KCNU1: variants seen among roughly 807,000 people sequenced by gnomAD.
KCNU1 encodes the protein potassium calcium-activated channel subfamily U member 1, also known as potassium channel subfamily U member 1.
In KCNU1, 93 loss-of-function variants were observed where a neutral mutation model predicts 126.8. The ratio of observed to expected loss-of-function variants is 0.73; its 90% confidence interval spans 0.62 to 0.87. KCNU1 has a LOEUF of 0.87. Among genes scored for constraint, KCNU1 ranks in the 40% least tolerant of loss-of-function variants. The pLI, the probability that KCNU1 is intolerant of heterozygous loss-of-function variation, is 0.00. For synonymous variants in KCNU1, 523 were observed against 494.2 expected (o/e 1.06, Z -0.77); for missense variants, 1,330 against 1,367.1 (o/e 0.97, Z 0.43).
intron 19 of KCNU1, among the ~76,000 whole-genome samples, chr8:36,876,770 G>A (rs1222464501): frequency 2.0e-5 from 3 of 152,148 alleles, no homozygotes; most frequent in Non-Finnish European, 2.9e-5. Flanking sequence ...TACTTTTCAA[G>A]GTAGGTGTGT....
At chr8:36,904,490 CA>C (rs1177001873) in intron 19 of KCNU1, among the ~76,000 whole-genome samples, 5 of 152,152 alleles carry the variant, frequency 3.3e-5, no homozygotes, top group Non-Finnish European at 7.4e-5. Flanking sequence ...GCCAGTTTTG[CA>C]CTTTGTTGGC....
intron 24 of KCNU1, among the ~76,000 whole-genome samples, chr8:36,930,174 A>C (rs1808656996): frequency 6.6e-6 from 1 of 152,156 alleles, no homozygotes; most frequent in Non-Finnish European, 1.5e-5. Flanking sequence ...AATTTGAGAA[A>C]ACCTAGTGGG....
rs571712064 is a variant in KCNU1, at chr8:36,876,125, T to C, written c.2009+11604T>C. On this transcript the variant is annotated intron_variant, in intron 19 of 26. Transcript: ENST00000399881. Reference sequence around the variant, plus strand: ...TTCCAGGAACAGTTCCAGTATCTCCTGCCCACAGCCACCGAGGTCCCACTC... The same window carrying C: ...TTCCAGGAACAGTTCCAGTATCTCCCGCCCACAGCCACCGAGGTCCCACTC... Among the ~76,000 whole-genome samples the C allele has an allele frequency of 3.9e-4, 60 of 152,210 alleles. 1 individual carries two copies. The highest frequency in any genetic ancestry group is 1.4e-3 in the African/African-American group (59 of 41,532).
chr8:36,797,658 C>T (rs987274148), intron 2 of KCNU1, among the ~76,000 whole-genome samples: 4 of 151,136 alleles, frequency 2.6e-5, no homozygotes, highest in Admixed American at 2.0e-4. Flanking sequence ...AAAGAAGTGC[C>T]CATATTCATT....
chr8:36,864,440 G>T lies in KCNU1; in HGVS notation c.1928G>T (p.Gly643Val). 1.2e-6 allele frequency: 2 copies of T among 1,612,434 alleles called. No individual in the cohort carries two copies. Among genetic ancestry groups the T allele is most frequent in the Non-Finnish European group, 1.7e-6 (2 of 1,178,664 alleles). The change falls in exon 19 of 27, where the codon GGA (glycine) becomes GTA (valine). Residue 643 changes from glycine to valine, a missense_variant. This residue lies in a region of KCNU1 where 1,054 missense variants were observed against 1,053.9 expected (regional missense o/e 1.00). Coordinates refer to ENST00000399881, the MANE Select transcript of KCNU1 (RefSeq NM_001031836.3). ...SVKRMKKCLK[G>V]ISSRISGQDS... ...AAGAGAATGAAAAAATGTCTGAAGGGAATCTCCTCTCGTATATCAGGGCAG... is the reference window on the plus strand; with the variant it reads ...AAGAGAATGAAAAAATGTCTGAAGGTAATCTCCTCTCGTATATCAGGGCAG...
Position 36,786,560 on chromosome 8 carries a change from G to A in KCNU1, c.196-746G>A, listed in dbSNP as rs575695733. Among the ~76,000 whole-genome samples, 3 of 152,284 alleles carry A rather than the reference G, an allele frequency of 2.0e-5. No homozygotes were observed. The South Asian group carries it at 6.2e-4, about 32-fold the overall frequency. On this transcript the variant is annotated intron_variant, in intron 1 of 26. Coordinates refer to ENST00000399881, the MANE Select transcript of KCNU1 (RefSeq NM_001031836.3). ...GTCAGAGGGACTCATCTAGCTTGGT[G>A]TGGGTAGTCCTAGTTGGTTTGTGTA...
At chr8:36,897,234 T>C (rs139781814) in intron 19 of KCNU1, among the ~76,000 whole-genome samples, 109 of 152,106 alleles carry the variant, frequency 7.2e-4, no homozygotes, top group Middle Eastern at 6.8e-3. Context: ...ATAAAATTTA[T>C]AGAATCATTC....
At chr8:36,911,637 A>G (rs566129865) in intron 22 of KCNU1, among the ~76,000 whole-genome samples, 105 of 152,320 alleles carry the variant, frequency 6.9e-4, no homozygotes, top group African/African-American at 2.5e-3. Context: ...GCTATAGACT[A>G]AAACTGTCAT....
chr8:36,795,529 C>T (rs1295290145), intron 2 of KCNU1: 1 of 152,816 alleles, frequency 6.5e-6, no homozygotes, highest in Admixed American at 6.5e-5. Flanking sequence ...AGGAAAGTTC[C>T]TCAGTGGTTG....
At chr8:36,844,274 G>A (rs1330412418) in intron 16 of KCNU1, among the ~76,000 whole-genome samples, 2 of 152,002 alleles carry the variant, frequency 1.3e-5, no homozygotes, top group Non-Finnish European at 2.9e-5. Context: ...CAGCTACTCG[G>A]GAGGCTGAGG....
At chr8:36,837,199 C>A (rs575686137) in intron 14 of KCNU1, among the ~76,000 whole-genome samples, 3 of 152,052 alleles carry the variant, frequency 2.0e-5, no homozygotes, top group African/African-American at 7.2e-5. Context: ...ACTCTGCTTC[C>A]TACCTACAGT....
chr8:36,834,097 T>C (rs1804659895), intron 11 of KCNU1, among the ~76,000 whole-genome samples: 1 of 151,990 alleles, frequency 6.6e-6, no homozygotes, highest in South Asian at 2.1e-4. Context: ...TAAAGGAAAA[T>C]AGTAGAAATC....
At chr8:36,856,258 A>G (rs947366537) in intron 18 of KCNU1, among the ~76,000 whole-genome samples, 3 of 152,140 alleles carry the variant, frequency 2.0e-5, no homozygotes, top group East Asian at 1.9e-4. Context: ...TAACTCTGAC[A>G]TGGACTCTTG....
At chr8:36,798,832 A>C (rs962679685) in intron 2 of KCNU1, among the ~76,000 whole-genome samples, 4 of 152,154 alleles carry the variant, frequency 2.6e-5, no homozygotes, top group African/African-American at 9.7e-5. Flanking sequence ...GTGTAAAACC[A>C]AGCTGCACTC....
Position 36,896,202 on chromosome 8 carries a change from T to C in KCNU1, c.2010-9506T>C, listed in dbSNP as rs538469103. ...ATCAATGAATATTTATAAAAACTTATTTTCTTTCTTGTTATGTAAGTACCT... is the reference window on the plus strand; with the variant it reads ...ATCAATGAATATTTATAAAAACTTACTTTCTTTCTTGTTATGTAAGTACCT... On this transcript the variant is annotated intron_variant, in intron 19 of 26. Transcript: ENST00000399881. 7.2e-5 allele frequency among the ~76,000 whole-genome samples: 11 copies of C among 152,106 alleles called. No homozygotes were observed. In the East Asian group the frequency reaches 1.7e-3, roughly 24 times the overall value.
intron 7 of KCNU1, among the ~76,000 whole-genome samples, chr8:36,812,873 T>A (rs2130452906): frequency 6.6e-6 from 1 of 152,296 alleles, no homozygotes; most frequent in African/African-American, 2.4e-5. Flanking sequence ...TTTTAAAGCG[T>A]TCTTTAAAAA....
intron 19 of KCNU1, among the ~76,000 whole-genome samples, chr8:36,880,924 G>C (rs1189674131): frequency 6.6e-6 from 1 of 152,124 alleles, no homozygotes; most frequent in East Asian, 1.9e-4. Flanking sequence ...ACATCCTGTT[G>C]TTGGGCTTGG....
chr8:36,803,614 C>T (rs1383617527), intron 2 of KCNU1, among the ~76,000 whole-genome samples: 2 of 152,104 alleles, frequency 1.3e-5, no homozygotes, highest in African/African-American at 4.8e-5. Flanking sequence ...GGGTCTATTT[C>T]CAATAACCCC....
chr8:36,856,830 T>C (rs571471185), intron 18 of KCNU1, among the ~76,000 whole-genome samples: 1 of 152,242 alleles, frequency 6.6e-6, no homozygotes, highest in Non-Finnish European at 1.5e-5. Context: ...ACTGTACTTT[T>C]TCTGGTTCAC....
Sources: gnomAD v4.1 joint callset for allele counts (sites outside exome capture counted in the v4.1 genomes callset) on GRCh38, gnomAD v4.1.1 for gene constraint, gnomAD v4.1.1 regional missense constraint, MANE v1.5 for transcripts, NCBI Gene and HGNC (gene_info 2026-07-23, HGNC 2026-07-21) for gene names.